Variants in GINM1 observed in about 807,000 individuals in gnomAD.
GINM1 encodes glycosylated integral membrane protein 1.
In GINM1, 29 loss-of-function variants were observed where a neutral mutation model predicts 37.8. The ratio of observed to expected loss-of-function variants is 0.77; its 90% CI spans 0.57 to 1.05. The LOEUF is 1.05. GINM1 is among the 50% of genes least tolerant of loss of function. The pLI is 0.00. For synonymous variants in GINM1, 143 were observed against 146.2 expected (o/e 0.98, Z 0.16); for missense variants, 377 against 397.9 (o/e 0.95, Z 0.45).
chr6:149,571,922 A>T (rs1777828343), intron 1 of GINM1, among the ~76,000 whole-genome samples: 1 of 151,980 alleles, frequency 6.6e-6, no homozygotes, highest in Admixed American at 6.6e-5. Flanking sequence ...CTCTACTAAA[A>T]ATACAAACAT....
At chr6:149,578,764 C>T in intron 3 of GINM1, 58 bp from the exon 4 acceptor site, 1 of 1,153,478 alleles carries the variant, frequency 8.7e-7, no homozygotes, top group Middle Eastern at 2.4e-4. Context: ...TAATCACACT[C>T]ACTCACAGAT....
intron 1 of GINM1, among the ~76,000 whole-genome samples, chr6:149,568,505 A>G (rs1469742185): frequency 5.3e-5 from 8 of 152,250 alleles, no homozygotes; most frequent in Non-Finnish European, 1.2e-4. Flanking sequence ...GTGGCCACTG[A>G]GCACTTGAAA....
intron 1 of GINM1, among the ~76,000 whole-genome samples, chr6:149,571,692 C>A (rs777600879): frequency 4.0e-5 from 6 of 151,788 alleles, no homozygotes; most frequent in Admixed American, 6.6e-5. Flanking sequence ...ATTTTATCCT[C>A]GGTGGTACTT....
Position 149,591,251 on chromosome 6 carries a change from C to T in GINM1, c.*413C>T. 1 of 153,742 alleles carries T rather than the reference C, an allele frequency of 6.5e-6. No homozygotes were observed. Among genetic ancestry groups the T allele is most frequent in the South Asian group, 2.0e-4 (1 of 4,956 alleles). 9.5% of individuals were successfully genotyped at this position (153,742 alleles called of 1,614,324 possible). A position where few individuals can be genotyped will look rare whatever the true frequency, so the allele number is the denominator to read the frequency against. On this transcript the variant is annotated 3_prime_UTR_variant, in exon 8 of 8. Transcript: ENST00000367419. ...AGGCTGCAGTGAGCCAAGATCACGC[C>T]ACTGCACTCCAGCCTGGGTGACAGA... is the stretch of plus-strand genomic sequence containing the variant.
chr6:149,588,805 T>C (rs900916593), intron 7 of GINM1, among the ~76,000 whole-genome samples: 8 of 151,902 alleles, frequency 5.3e-5, no homozygotes, highest in African/African-American at 1.9e-4. Context: ...TTTGTTGTTG[T>C]TGTTGTTGTT....
intron 3 of GINM1, among the ~76,000 whole-genome samples, 157 bp downstream of exon 3, chr6:149,572,760 C>A (rs888136687): frequency 6.6e-6 from 1 of 152,180 alleles, no homozygotes; most frequent in Non-Finnish European, 1.5e-5. Flanking sequence ...CTCCTAGGTT[C>A]AAATGATTCT....
At chr6:149,571,379 A>G (rs1277776767) in intron 1 of GINM1, among the ~76,000 whole-genome samples, 1 of 152,076 alleles carries the variant, frequency 6.6e-6, no homozygotes, top group Non-Finnish European at 1.5e-5. Flanking sequence ...AACAACTCAG[A>G]TGTCCGTGGG....
chr6:149,588,288 G>A (rs1778103446), intron 7 of GINM1, among the ~76,000 whole-genome samples: 1 of 152,116 alleles, frequency 6.6e-6, no homozygotes, highest in East Asian at 1.9e-4. Flanking sequence ...TTAGGTCTGG[G>A]TGGGTTCAAC....
intron 1 of GINM1, among the ~76,000 whole-genome samples, chr6:149,568,982 C>T (rs1777766059): frequency 6.6e-6 from 1 of 151,664 alleles, no homozygotes; most frequent in African/African-American, 2.4e-5. Flanking sequence ...CTGGCGCGTG[C>T]CACCACACCT....
chr6:149,576,720 T>C (rs1777919948), intron 3 of GINM1, among the ~76,000 whole-genome samples: 1 of 152,184 alleles, frequency 6.6e-6, no homozygotes, highest in African/African-American at 2.4e-5. Flanking sequence ...GCAAGGGTCA[T>C]TGAGGGGCAT....
chr6:149,579,282 G>T (rs1219212386), intron 4 of GINM1, among the ~76,000 whole-genome samples: 1 of 152,158 alleles, frequency 6.6e-6, no homozygotes, highest in East Asian at 1.9e-4. Flanking sequence ...TGAAGTCTCT[G>T]TGTGTAAATG....
At chr6:149,567,434 C>G (rs1258160821) in intron 1 of GINM1, among the ~76,000 whole-genome samples, 1 of 152,080 alleles carries the variant, frequency 6.6e-6, no homozygotes, top group African/African-American at 2.4e-5. Flanking sequence ...GCGAAGGGCA[C>G]GGTAAGTGTC....
At chr6:149,576,896 A>G (rs1338496652) in intron 3 of GINM1, among the ~76,000 whole-genome samples, 3 of 152,228 alleles carry the variant, frequency 2.0e-5, no homozygotes, top group Non-Finnish European at 4.4e-5. Context: ...TAATTGGCTC[A>G]TGGTTCTGCA....
chr6:149,589,546 T>C (rs1243003346), intron 7 of GINM1, among the ~76,000 whole-genome samples: 1 of 152,138 alleles, frequency 6.6e-6, no homozygotes, highest in Non-Finnish European at 1.5e-5. Flanking sequence ...GTGCTGGGAT[T>C]ACAGGCATGA....
intron 3 of GINM1, among the ~76,000 whole-genome samples, chr6:149,573,080 T>C (rs1327843797): frequency 6.6e-6 from 1 of 152,164 alleles, no homozygotes; most frequent in Non-Finnish European, 1.5e-5. Flanking sequence ...CCCAACACTT[T>C]GGGAGGCCGA....
Position 149,580,006 on chromosome 6 carries a change from A to T in GINM1, c.586+16A>T. The stretch of plus-strand genomic sequence containing the variant: ...TCCAAAAAAGGTAACTTAAAAGACC[A>T]TTATTTAAAGTATTAAGGAGATTAT... On this transcript the variant is annotated intron_variant, in intron 5 of 7. Coordinates refer to ENST00000367419, the MANE Select transcript of GINM1 (RefSeq NM_138785.5). 6.7e-7 allele frequency: 1 copy of T among 1,497,908 alleles called. No homozygotes were observed. The highest frequency in any genetic ancestry group is 1.2e-5 in the South Asian group (1 of 82,796). The allele number at this position is 1,497,908 out of a possible 1,614,324, so 92.8% of individuals were successfully genotyped here. A position where few individuals can be genotyped will look rare whatever the true frequency, so the allele number is the denominator to read the frequency against.
At chr6:149,574,223 G>C (rs1294271614) in intron 3 of GINM1, among the ~76,000 whole-genome samples, 2 of 151,748 alleles carry the variant, frequency 1.3e-5, no homozygotes, top group Non-Finnish European at 2.9e-5. Context: ...GCTAATTTTT[G>C]TATTTTTAGT....
intron 7 of GINM1, among the ~76,000 whole-genome samples, chr6:149,583,936 T>G (rs941926411): frequency 2.0e-5 from 3 of 151,454 alleles, no homozygotes; most frequent in African/African-American, 7.4e-5. Flanking sequence ...TGAATTATTG[T>G]TAGTATTTTT....
At chr6:149,575,156 T>C (rs1028154966) in intron 3 of GINM1, among the ~76,000 whole-genome samples, 6 of 152,198 alleles carry the variant, frequency 3.9e-5, no homozygotes, top group African/African-American at 1.4e-4. Context: ...AGTTCCAAAA[T>C]TCTTTCTTCT....
Sources: allele counts gnomAD v4.1 joint callset (sites outside exome capture counted in the v4.1 genomes callset), GRCh38; gene constraint gnomAD v4.1.1; transcripts MANE v1.5; gene names NCBI Gene and HGNC (gene_info 2026-07-23, HGNC 2026-07-21).